The following MYOM1 variants were observed in gnomAD, a reference collection of about 807,000 sequenced individuals.
The protein encoded by MYOM1 is myomesin-1.
In MYOM1, 164 loss-of-function variants were observed where a neutral mutation model predicts 205.3. The ratio of observed to expected loss-of-function variants is 0.80; its 90% CI spans 0.70 to 0.91. The LOEUF is 0.91. Ranked by LOEUF, MYOM1 falls within the 40% of genes least tolerant of loss-of-function variation. MYOM1 has a pLI of 0.00. For missense variants in MYOM1, 2,011 were observed against 2,127.3 expected (o/e 0.95, Z 1.08); for synonymous variants, 772 against 789.4 (o/e 0.98, Z 0.37).
rs1043591182 is a variant in MYOM1 at position 3,105,610 on chromosome 18, T to C, written c.3419-2980A>G. 2.6e-5 allele frequency among the ~76,000 whole-genome samples: 4 copies of C among 152,180 alleles called. No individual in the cohort carries two copies. The East Asian group carries it at 5.8e-4, about 22-fold the overall frequency. On this transcript the variant is annotated intron_variant, in intron 22 of 37. Transcript: ENST00000356443. ...TGGCTCATGCCTGTAATCACAGCAC[T>C]TTAGGAGGCCGTGGCAGGGGGATCA...
intron 23 of MYOM1, among the ~76,000 whole-genome samples, chr18:3,101,556 C>T (rs1490957703): frequency 6.6e-6 from 1 of 152,196 alleles, no homozygotes; most frequent in Non-Finnish European, 1.5e-5. Flanking sequence ...TCATCTTATA[C>T]TTCCACATAG....
chr18:3,067,651 G>T, intron 37 of MYOM1, 96 bp from the exon 38 acceptor site: 1 of 1,355,684 alleles, frequency 7.4e-7, no homozygotes, highest in Non-Finnish European at 1.0e-6. Flanking sequence ...CATGACCAAA[G>T]GGAGGATAAG....
chr18:3,225,262 C>T, the MYOM1 span, among the ~76,000 whole-genome samples: 1 of 152,210 alleles, frequency 6.6e-6, no homozygotes, highest in Admixed American at 6.5e-5. Flanking sequence ...GCCGGGATTA[C>T]AGGCGTGAGC....
chr18:3,131,477 C>G lies in MYOM1; in HGVS notation c.2404G>C (p.Val802Leu). The change falls in exon 17 of 38, where the codon GTG (valine) becomes CTG (leucine). Residue 802 changes from valine to leucine, a missense_variant. Transcript: ENST00000356443. ...KGSRFTCHGL[V>L]TGQSYIFRVR... The stretch of plus-strand genomic sequence containing the variant: ...CGGAAAATATAACTCTGACCAGTCA[C>G]TAATCCATGACAAGTGAATCTAAAA... 1.9e-6 allele frequency: 3 copies of G among 1,612,660 alleles called. No homozygotes were observed. Among genetic ancestry groups the G allele is most frequent in the Non-Finnish European group, 1.7e-6 (2 of 1,179,398 alleles).
chr18:3,154,455 A>G (rs1480477175), intron 11 of MYOM1, among the ~76,000 whole-genome samples: 1 of 152,000 alleles, frequency 6.6e-6, no homozygotes, highest in Non-Finnish European at 1.5e-5. Flanking sequence ...ATATGTATAT[A>G]TATCTACCTA....
intron 13 of MYOM1, 147 bp from the exon 14 acceptor site, chr18:3,142,210 A>C: frequency 9.9e-7 from 1 of 1,007,516 alleles, no homozygotes; most frequent in Non-Finnish European, 1.4e-6. Context: ...ATTCCCCCAA[A>C]ACATCATTCA....
chr18:3,232,292 T>C, the MYOM1 span, among the ~76,000 whole-genome samples: 1 of 152,074 alleles, frequency 6.6e-6, no homozygotes, highest in East Asian at 1.9e-4. Context: ...ATGGTGCCCT[T>C]GTACTCCAGC....
chr18:3,177,625 C>T (rs2080666782), intron 5 of MYOM1, among the ~76,000 whole-genome samples: 6 of 152,100 alleles, frequency 3.9e-5, no homozygotes, highest in Admixed American at 3.9e-4. Context: ...GCACCGGCCA[C>T]TACGCCTGGC....
At chr18:3,178,892 G>A (rs1162229307) in intron 5 of MYOM1, among the ~76,000 whole-genome samples, 1 of 151,098 alleles carries the variant, frequency 6.6e-6, no homozygotes, top group African/African-American at 2.4e-5. Context: ...TTTTGAGACA[G>A]TGTCTCGCTC....
Position 3,188,780 on chromosome 18 carries a change from C to T in MYOM1, c.739G>A (p.Glu247Lys), listed in dbSNP as rs139422575. ...EKKSRKVVIR[E>K]KAERLSLRKT... Reference sequence around the variant, plus strand: ...CTCAGGGACAGGCGTTCTGCCTTTTCTCGAATCACAACTTTCCTTGACTTC... The same window carrying T: ...CTCAGGGACAGGCGTTCTGCCTTTTTTCGAATCACAACTTTCCTTGACTTC... The change falls in exon 4 of 38, where the codon GAA becomes AAA. Residue 247 changes from glutamate (E) to lysine (K), a missense_variant. Glu to Lys is a moderately conservative substitution (Grantham distance 56). Coordinates refer to ENST00000356443, the MANE Select transcript of MYOM1 (RefSeq NM_003803.4). 5.6e-3 allele frequency: 8,994 copies of T among 1,601,050 alleles called. 36 individuals are homozygous for T. Among genetic ancestry groups the T allele is most frequent in the Non-Finnish European group, 6.7e-3 (7,796 of 1,171,526 alleles).
At chr18:3,227,421 T>TTTA in the MYOM1 span, among the ~76,000 whole-genome samples, 3 of 151,490 alleles carry the variant, frequency 2.0e-5, no homozygotes, top group Non-Finnish European at 4.4e-5. Flanking sequence ...AGTAGTCGAG[T>TTTA]TTATAGAGAA....
chr18:3,149,136 ACTT>A lies in MYOM1; in HGVS notation c.1900+6_1900+8del, dbSNP rs754148244. 184 of 1,613,726 alleles carry A rather than the reference ACTT, an allele frequency of 1.1e-4. No homozygotes were observed. The African/African-American group carries it at 2.2e-3, about 19-fold the overall frequency. On this transcript the variant is annotated splice_donor_region_variant and intron_variant, in intron 13 of 37. Transcript: ENST00000356443. ...CAGCAATAGTATCTGGGGCAACCAGACTTCTTACCTGAAGGTTCCTCTTCAGTA... is the reference window on the plus strand; with the variant it reads ...CAGCAATAGTATCTGGGGCAACCAGACTTACCTGAAGGTTCCTCTTCAGTA...
intron 22 of MYOM1, among the ~76,000 whole-genome samples, chr18:3,108,428 G>GTAGACAAAAAA (rs2079479536): frequency 6.6e-6 from 1 of 152,124 alleles, no homozygotes; most frequent in Admixed American, 6.5e-5. Flanking sequence ...CCTGTACATA[G>GTAGACAAAAAA]TAGACAAAAA....
chr18:3,081,983 A>G (rs1409754143), intron 33 of MYOM1, among the ~76,000 whole-genome samples: 2 of 152,200 alleles, frequency 1.3e-5, no homozygotes, highest in Non-Finnish European at 2.9e-5. Context: ...CGATTTTTCC[A>G]CAGACCAGGT....
chr18:3,120,008 C>A lies in MYOM1; in HGVS notation c.2992-13G>T. 1 of 1,581,098 alleles carries A rather than the reference C, an allele frequency of 6.3e-7. No individual in the cohort carries two copies. The highest frequency in any genetic ancestry group is 8.6e-7 in the Non-Finnish European group (1 of 1,163,156). ...TCAAGTTGCTAATCTGCAACATTGACAACATCACAGATACTGAATGTTCCA... is the reference window on the plus strand; with the variant it reads ...TCAAGTTGCTAATCTGCAACATTGAAAACATCACAGATACTGAATGTTCCA... On this transcript the variant is annotated splice_polypyrimidine_tract_variant and intron_variant, in intron 19 of 37. Coordinates refer to ENST00000356443, the MANE Select transcript of MYOM1 (RefSeq NM_003803.4).
intron 22 of MYOM1, among the ~76,000 whole-genome samples, chr18:3,111,966 G>A (rs2079533343): frequency 6.6e-6 from 1 of 152,188 alleles, no homozygotes; most frequent in Non-Finnish European, 1.5e-5. Flanking sequence ...ATATTCTTAT[G>A]AGACTTAATG....
intron 10 of MYOM1, among the ~76,000 whole-genome samples, chr18:3,161,542 C>A (rs1598734359): frequency 6.6e-6 from 1 of 152,182 alleles, no homozygotes; most frequent in East Asian, 1.9e-4. Context: ...CCCCTCCACT[C>A]CCTTTCTTTC....
At chr18:3,141,658 C>T (rs2080051107) in intron 14 of MYOM1, among the ~76,000 whole-genome samples, 1 of 152,214 alleles carries the variant, frequency 6.6e-6, no homozygotes, top group African/African-American at 2.4e-5. Flanking sequence ...TCTACCATTT[C>T]AGGAACATTT....
At chr18:3,204,599 T>A (rs1598769400) in intron 2 of MYOM1, among the ~76,000 whole-genome samples, 1 of 152,024 alleles carries the variant, frequency 6.6e-6, no homozygotes, top group Admixed American at 6.5e-5. Context: ...AAGTATTTCA[T>A]GTTCATGGAA....
Sources: allele counts gnomAD v4.1 joint callset (sites outside exome capture counted in the v4.1 genomes callset), GRCh38; gene constraint gnomAD v4.1.1; transcripts MANE v1.5; gene names NCBI Gene and HGNC (gene_info 2026-07-23, HGNC 2026-07-21).